Variants in ACTR10 observed in about 807,000 individuals in gnomAD.
ACTR10 encodes actin-related protein 10.
A neutral mutation model predicts 56.2 loss-of-function variants in ACTR10; 43 were observed. The observed-to-expected ratio is 0.77, with a 90% CI of 0.60 to 0.99. ACTR10 has a LOEUF of 0.99. Among genes scored for constraint, ACTR10 ranks in the 50% least tolerant of loss-of-function variants. The pLI is 0.00. For synonymous variants in ACTR10, 170 were observed against 176.3 expected (o/e 0.96, Z 0.28); for missense variants, 466 against 507.8 (o/e 0.92, Z 0.79).
chr14:58,219,345 C>T (rs1019916602), intron 7 of ACTR10, among the ~76,000 whole-genome samples: 2 of 152,158 alleles, frequency 1.3e-5, no homozygotes, highest in Admixed American at 1.3e-4. Context: ...AGTACTTTCT[C>T]AGTTGTTTTT....
Position 58,215,185 on chromosome 14 carries a change from C to T in ACTR10, c.519-20C>T, listed in dbSNP as rs954693714. On this transcript the variant is annotated intron_variant, in intron 6 of 12. Transcript: ENST00000254286. Reference sequence around the variant, plus strand: ...AGTTTCAATATTTTCATTCCAGTAACTTTTTTTTTTTAATTTCAGAGAGTT... The same window carrying T: ...AGTTTCAATATTTTCATTCCAGTAATTTTTTTTTTTTAATTTCAGAGAGTT... The T allele has an allele frequency of 1.0e-5, 12 of 1,143,220 alleles. No individual in the cohort carries two copies. The highest frequency in any genetic ancestry group is 1.5e-5 in the Non-Finnish European group (12 of 823,876). 70.8% of individuals were successfully genotyped at this position (1,143,220 alleles called of 1,614,324 possible).
intron 2 of ACTR10, among the ~76,000 whole-genome samples, chr14:58,206,664 G>A (rs1171726777): frequency 6.6e-6 from 1 of 152,184 alleles, no homozygotes; most frequent in Non-Finnish European, 1.5e-5. Flanking sequence ...AGCTTTCTGA[G>A]GATCATAAGT....
chr14:58,209,800 G>T (rs1888951180), intron 4 of ACTR10, among the ~76,000 whole-genome samples: 1 of 151,960 alleles, frequency 6.6e-6, no homozygotes, highest in Admixed American at 6.6e-5. Context: ...TATCAGCAAG[G>T]GAAAATGTAA....
Position 58,202,887 on chromosome 14 carries a change from G to T in ACTR10, c.110G>T (p.Cys37Phe). The change falls in exon 2 of 13, where the codon TGT (cysteine) becomes TTT (phenylalanine). Residue 37 changes from cysteine (C) to phenylalanine (F), a missense_variant. By Grantham distance (205) the Cys-to-Phe change is radical. Coordinates refer to ENST00000254286, the MANE Select transcript of ACTR10 (RefSeq NM_018477.3). ...TTTGCTGGAGAAACTGGTCCAAGAT[G>T]TATAATTCCTAGTGTGATAAAAAGA... ...CGFAGETGPR[C>F]IIPSVIKRAG... 1 of 1,608,288 alleles carries T rather than the reference G, an allele frequency of 6.2e-7. No homozygotes were observed. The highest frequency in any genetic ancestry group is 8.5e-7 in the Non-Finnish European group (1 of 1,177,244).
chr14:58,217,125 G>A lies in ACTR10; in HGVS notation c.598+1841G>A, dbSNP rs945084464. 7.2e-5 allele frequency among the ~76,000 whole-genome samples: 11 copies of A among 152,250 alleles called. No homozygotes were observed. The South Asian group carries it at 8.3e-4, about 11-fold the overall frequency. On this transcript the variant is annotated intron_variant, in intron 7 of 12. Transcript: ENST00000254286. ...TTTGGTGACAGGTAATTTATAAAAGGTCTTCAAAGATAATAAATTCAGTGT... is the reference window on the plus strand; with the variant it reads ...TTTGGTGACAGGTAATTTATAAAAGATCTTCAAAGATAATAAATTCAGTGT...
At chr14:58,221,250 T>A (rs1594810786) in intron 8 of ACTR10, among the ~76,000 whole-genome samples, 1 of 135,140 alleles carries the variant, frequency 7.4e-6, no homozygotes, top group South Asian at 2.3e-4. Flanking sequence ...GCCACTGCAC[T>A]CCAGCCTGGC....
chr14:58,220,101 G>C (rs1412184770), intron 8 of ACTR10, among the ~76,000 whole-genome samples: 1 of 152,178 alleles, frequency 6.6e-6, no homozygotes, highest in Non-Finnish European at 1.5e-5. Flanking sequence ...TTCCGGAATT[G>C]TGACCAAAGT....
Position 58,200,309 on chromosome 14 carries a change from C to G in ACTR10, c.77+15C>G, listed in dbSNP as rs191136748. ...GCCTTTACCAAGTGAGTGGCCGTGA[C>G]GCCAGCTGTGTTCGACCCGAGGGGA... On this transcript the variant is annotated intron_variant, in intron 1 of 12. Coordinates refer to ENST00000254286, the MANE Select transcript of ACTR10 (RefSeq NM_018477.3). The G allele has an allele frequency of 4.0e-6, 6 of 1,493,500 alleles. No homozygotes were observed. Among genetic ancestry groups the G allele is most frequent in the Non-Finnish European group, 5.3e-6 (6 of 1,124,216 alleles). 92.5% of individuals were successfully genotyped at this position (1,493,500 alleles called of 1,614,324 possible).
chr14:58,218,263 C>T (rs1181949196), intron 7 of ACTR10, among the ~76,000 whole-genome samples: 1 of 152,138 alleles, frequency 6.6e-6, no homozygotes, highest in Non-Finnish European at 1.5e-5. Context: ...TTACATTTCT[C>T]TCATCTATTT....
At position 58,211,393 on chromosome 14, in the gene ACTR10, G is replaced by T. The variant is rs781743036; in HGVS notation, c.444G>T (p.Val148=). The T allele has an allele frequency of 8.1e-6, 13 of 1,611,312 alleles. No homozygotes were observed. In the South Asian group the frequency reaches 8.8e-5, roughly 11 times the overall value. ...ATTGTGGATATAGGGAAAGCCTGGTGTTACCCATATCTTTTTTGTCAGCCA... is the reference window on the plus strand; with the variant it reads ...ATTGTGGATATAGGGAAAGCCTGGTTTTACCCATATCTTTTTTGTCAGCCA... ...VLDCGYRESL[V]LPIYEGIPVL... Residue 148 remains valine (V), a synonymous_variant, in exon 5 of 13, where the codon GTG becomes GTT. Transcript: ENST00000254286.
Position 58,202,301 on chromosome 14 carries a change from G to A in ACTR10, c.78-554G>A, listed in dbSNP as rs998417443. Among the ~76,000 whole-genome samples, 3 of 151,936 alleles carry A rather than the reference G, an allele frequency of 2.0e-5. No individual in the cohort carries two copies. The South Asian group carries it at 6.2e-4, about 32-fold the overall frequency. Reference sequence around the variant, plus strand: ...AAATTAACAACTAGGAAAAAAGTTGGCCAGGCGCGGTGGCCCACGCCTGTA... The same window carrying A: ...AAATTAACAACTAGGAAAAAAGTTGACCAGGCGCGGTGGCCCACGCCTGTA... On this transcript the variant is annotated intron_variant, in intron 1 of 12. Coordinates refer to ENST00000254286, the MANE Select transcript of ACTR10 (RefSeq NM_018477.3).
intron 6 of ACTR10, among the ~76,000 whole-genome samples, chr14:58,214,009 A>G (rs187197378): frequency 6.6e-5 from 10 of 152,314 alleles, no homozygotes; most frequent in Admixed American, 5.9e-4. Flanking sequence ...TTATCCTTTG[A>G]GTTACAAACA....
intron 6 of ACTR10, among the ~76,000 whole-genome samples, chr14:58,214,160 C>T (rs1385958820): frequency 6.6e-6 from 1 of 152,094 alleles, no homozygotes; most frequent in Non-Finnish European, 1.5e-5. Context: ...TCCCTTGTAT[C>T]CCTCCACTAT....
intron 8 of ACTR10, among the ~76,000 whole-genome samples, chr14:58,221,409 C>T (rs751875349): frequency 1.7e-4 from 26 of 151,698 alleles, no homozygotes; most frequent in Non-Finnish European, 2.5e-4. Flanking sequence ...GCCTGGACAA[C>T]GTGATGAACC....
intron 12 of ACTR10, 104 bp downstream of exon 12, chr14:58,232,371 C>T (rs1889559197): frequency 1.3e-6 from 1 of 740,844 alleles, no homozygotes; most frequent in African/African-American, 1.9e-5. Context: ...TCAGAATTGC[C>T]CACTTTATAA....
chr14:58,215,936 T>C (rs1889123048), intron 7 of ACTR10, among the ~76,000 whole-genome samples: 1 of 151,990 alleles, frequency 6.6e-6, no homozygotes, highest in African/African-American at 2.4e-5. Context: ...CTTTCAATTC[T>C]TCAGAAATCT....
At chr14:58,200,635 G>A (rs1888683070) in intron 1 of ACTR10, among the ~76,000 whole-genome samples, 1 of 152,178 alleles carries the variant, frequency 6.6e-6, no homozygotes, top group African/African-American at 2.4e-5. Flanking sequence ...CTCCTCAGTT[G>A]AGGAAGGCAG....
At chr14:58,210,633 T>G (rs1229254554) in intron 4 of ACTR10, among the ~76,000 whole-genome samples, 1 of 152,104 alleles carries the variant, frequency 6.6e-6, no homozygotes, top group African/African-American at 2.4e-5. Flanking sequence ...TTTTTTAAAT[T>G]TAACATCTTC....
At chr14:58,210,996 C>T in intron 4 of ACTR10, 1 of 273,276 alleles carries the variant, frequency 3.7e-6, no homozygotes, top group South Asian at 3.8e-5. Flanking sequence ...TCTTTTATCC[C>T]TTTCAATTTT....
Sources: allele counts gnomAD v4.1 joint callset (sites outside exome capture counted in the v4.1 genomes callset), GRCh38; gene constraint gnomAD v4.1.1; transcripts MANE v1.5; gene names NCBI Gene and HGNC (gene_info 2026-07-23, HGNC 2026-07-21).